SETD5: variants seen among roughly 807,000 people sequenced by gnomAD.
SETD5 encodes the protein histone-lysine N-methyltransferase SETD5.
A neutral mutation model predicts 153.3 loss-of-function variants in SETD5; 44 were observed. The ratio of observed to expected loss-of-function variants is 0.29; its 90% CI spans 0.23 to 0.37. The LOEUF is 0.37. Among genes scored for constraint, SETD5 ranks in the 10% least tolerant of loss-of-function variants. The probability of loss-of-function intolerance (pLI) is 1.00; values close to 1 mark genes in which losing one functional copy is unlikely to be tolerated. For synonymous variants in SETD5, 716 were observed against 645.2 expected, an observed-to-expected ratio of 1.11 and a Z score of -1.66; for missense variants, 1,544 against 1,768.0, an observed-to-expected ratio of 0.87 and a Z score of 2.27.
intron 7 of SETD5, 84 bp from the exon 8 acceptor site, chr3:9,440,372 G>C (rs1244883229): frequency 8.4e-6 from 6 of 714,012 alleles, no homozygotes; most frequent in Non-Finnish European, 1.5e-5. Flanking sequence ...AATTTTCTCT[G>C]GAACCCCAGC....
In SETD5 at chr3:9,477,594, T is replaced by TGC. The variant is rs1261849097; in HGVS notation, c.*1504_*1505dup. 3 of 152,534 alleles carry TGC rather than the reference T, an allele frequency of 2.0e-5. No homozygotes were observed. Among genetic ancestry groups the TGC allele is most frequent in the Non-Finnish European group, 2.9e-5 (2 of 68,026 alleles). 9.4% of individuals were successfully genotyped at this position (152,534 alleles called of 1,614,324 possible). On this transcript the variant is annotated 3_prime_UTR_variant, in exon 23 of 23. Coordinates refer to ENST00000402198, the MANE Select transcript of SETD5 (RefSeq NM_001080517.3). ...TCTACCCTGTCCTACAACTATCATA[T>TGC]GCACAGTCTTCTCTCTTTGTGTGTG...
chr3:9,428,028 G>A (rs1013198933), intron 2 of SETD5, among the ~76,000 whole-genome samples: 8 of 151,996 alleles, frequency 5.3e-5, no homozygotes, highest in Non-Finnish European at 1.2e-4. Context: ...TCGTGATTTC[G>A]GGGGTTTTTT....
intron 3 of SETD5, chr3:9,430,601 G>C (rs1251413241): frequency 5.2e-6 from 1 of 191,582 alleles, no homozygotes; most frequent in Non-Finnish European, 9.6e-6. Context: ...TATAAAGTCA[G>C]CTACTAACCT....
intron 15 of SETD5, 89 bp from the exon 16 acceptor site, chr3:9,448,299 T>C (rs911224282): frequency 8.6e-6 from 13 of 1,515,318 alleles, no homozygotes; most frequent in Non-Finnish European, 2.7e-6. Context: ...CTGCATCTCC[T>C]CCTGTCCTAG....
intron 17 of SETD5, among the ~76,000 whole-genome samples, chr3:9,457,618 A>AT (rs903044231): frequency 1.6e-4 from 24 of 150,838 alleles, no homozygotes; most frequent in African/African-American, 5.8e-4. Context: ...ATGAATACCA[A>AT]TTTTTTTTGT....
intron 10 of SETD5, chr3:9,443,019 G>A (rs953053579): frequency 1.5e-4 from 40 of 258,430 alleles, no homozygotes; most frequent in Admixed American, 1.5e-3. Context: ...CAGCCTGAGC[G>A]ACAGAGCAAG....
chr3:9,468,254 G>T (rs2044857672), intron 18 of SETD5, among the ~76,000 whole-genome samples: 1 of 151,918 alleles, frequency 6.6e-6, no homozygotes, highest in Non-Finnish European at 1.5e-5. Context: ...CCTTGTATGT[G>T]CTTGAGATGT....
At chr3:9,464,133 T>G (rs769408510) in intron 17 of SETD5, among the ~76,000 whole-genome samples, 25 of 151,214 alleles carry the variant, frequency 1.7e-4, no homozygotes, top group Non-Finnish European at 2.6e-4. Flanking sequence ...GTCTCATAAA[T>G]AAATAAATGA....
intron 17 of SETD5, among the ~76,000 whole-genome samples, chr3:9,456,990 AAGAAAG>A (rs1316915524): frequency 1.3e-5 from 2 of 152,016 alleles, no homozygotes; most frequent in Non-Finnish European, 2.9e-5. Context: ...GAAAGAAAGA[AAGAAAG>A]AGAGGGAGGG....
chr3:9,447,631 G>A, intron 14 of SETD5, 55 bp from the exon 15 acceptor site: 1 of 1,552,576 alleles, frequency 6.4e-7, no homozygotes, highest in Admixed American at 1.8e-5. Flanking sequence ...TAGGAAATTA[G>A]ACTGTTTGCT....
At chr3:9,439,196 G>A (rs761237791) in intron 7 of SETD5, among the ~76,000 whole-genome samples, 19 of 152,266 alleles carry the variant, frequency 1.2e-4, no homozygotes, top group African/African-American at 2.6e-4. Flanking sequence ...TCAAGCAGGC[G>A]ATACTCTGAT....
intron 1 of SETD5, among the ~76,000 whole-genome samples, chr3:9,406,919 A>T (rs969880879): frequency 6.6e-6 from 1 of 152,258 alleles, no homozygotes; most frequent in African/African-American, 2.4e-5. Context: ...ATATTCACAG[A>T]TAAATCAGGT....
intron 1 of SETD5, among the ~76,000 whole-genome samples, chr3:9,403,267 A>G (rs2035110594): frequency 6.6e-6 from 1 of 152,198 alleles, no homozygotes. Context: ...ATAAAAAAAT[A>G]AATAAAGCTC....
intron 18 of SETD5, among the ~76,000 whole-genome samples, chr3:9,468,140 A>C (rs1018853262): frequency 1.3e-5 from 2 of 151,570 alleles, no homozygotes; most frequent in Admixed American, 1.3e-4. Context: ...TGTAAGGAGG[A>C]ATAAGGGGTA....
chr3:9,400,731 C>G (rs1169209874), intron 1 of SETD5, among the ~76,000 whole-genome samples: 3 of 152,136 alleles, frequency 2.0e-5, no homozygotes, highest in African/African-American at 7.2e-5. Context: ...CATAATCCAT[C>G]TGAAATGTAG....
intron 19 of SETD5, 30 bp from the exon 20 acceptor site, chr3:9,473,206 T>C (rs771861931): frequency 5.6e-6 from 9 of 1,600,730 alleles, no homozygotes; most frequent in Non-Finnish European, 1.7e-6. Context: ...TAGAGTACCG[T>C]TTTTTGTTTG....
chr3:9,455,939 A>C (rs955436160), intron 17 of SETD5, among the ~76,000 whole-genome samples: 1 of 152,218 alleles, frequency 6.6e-6, no homozygotes, highest in Non-Finnish European at 1.5e-5. Context: ...CCTTGCCCTT[A>C]AAAAGCAATG....
chr3:9,452,630 C>T (rs2042749412), intron 16 of SETD5, among the ~76,000 whole-genome samples: 1 of 148,142 alleles, frequency 6.8e-6, no homozygotes, highest in African/African-American at 2.5e-5. Context: ...TTCATTTGGC[C>T]AGCCACAATG....
intron 1 of SETD5, among the ~76,000 whole-genome samples, chr3:9,415,905 G>C (rs1386337883): frequency 6.7e-6 from 1 of 148,930 alleles, no homozygotes; most frequent in African/African-American, 2.5e-5. Context: ...GACAGGCTCT[G>C]GTTCTGTTGC....
Sources: allele counts gnomAD v4.1 joint callset (sites outside exome capture counted in the v4.1 genomes callset), GRCh38; gene constraint gnomAD v4.1.1; transcripts MANE v1.5; gene names NCBI Gene and HGNC (gene_info 2026-07-23, HGNC 2026-07-21).